HIP1: variants seen among roughly 807,000 people sequenced by gnomAD.
HIP1 encodes huntingtin interacting protein 1, also known as huntingtin-interacting protein 1.
HIP1 carries 65 observed loss-of-function variants against 147.6 expected under a neutral mutation model. The ratio of observed to expected loss-of-function variants is 0.44; its 90% CI spans 0.36 to 0.54. The LOEUF (loss-of-function observed/expected upper bound fraction) is 0.54. HIP1 is among the 20% of genes least tolerant of loss of function. The pLI is 0.00. For missense variants in HIP1, 1,061 were observed against 1,299.6 expected (o/e 0.82, Z 2.82); for synonymous variants, 479 against 504.0 (o/e 0.95, Z 0.67).
intron 20 of HIP1, 100 bp from the exon 21 acceptor site, chr7:75,554,320 A>AT: frequency 7.8e-7 from 1 of 1,277,212 alleles, no homozygotes; most frequent in Non-Finnish European, 1.1e-6. Context: ...CCTTTCTTGT[A>AT]TGAGTTGCCT....
chr7:75,635,260 C>G (rs587653352), intron 1 of HIP1, among the ~76,000 whole-genome samples: 59 of 152,172 alleles, frequency 3.9e-4, no homozygotes, highest in African/African-American at 1.2e-3. Context: ...CGTGTGTACC[C>G]TCATTCACAA....
intron 5 of HIP1, among the ~76,000 whole-genome samples, chr7:75,583,571 C>A (rs1303392287): frequency 1.3e-5 from 2 of 151,908 alleles, no homozygotes; most frequent in African/African-American, 4.8e-5. Context: ...GAGGGGGAAA[C>A]CAGCTCTCTC....
In HIP1 at chr7:75,592,424, C is replaced by G. The variant is rs2116971750; in HGVS notation, c.275G>C (p.Cys92Ser). 6.2e-7 allele frequency: 1 copy of G among 1,612,458 alleles called. No individual in the cohort carries two copies. The highest frequency in any genetic ancestry group is 1.3e-5 in the African/African-American group (1 of 74,896). Residue 92 changes from cysteine to serine, a missense_variant, in exon 3 of 31, where the codon TGC becomes TCC. Transcript: ENST00000336926. Reference protein sequence around the residue: ...RLPLSSNAVLCWKFCHVFHKL... With the variant: ...RLPLSSNAVLSWKFCHVFHKL... ...GTGGAACACATGGCAGAACTTCCAG[C>G]AGAGCACTGCGTTGCTAGACAGAGG... is the stretch of plus-strand genomic sequence containing the variant.
intron 1 of HIP1, among the ~76,000 whole-genome samples, chr7:75,627,539 A>G (rs1363200247): frequency 1.3e-5 from 2 of 152,004 alleles, no homozygotes; most frequent in Admixed American, 6.6e-5. Flanking sequence ...AATAGGAATC[A>G]CACTTTTCTG....
chr7:75,593,154 A>C (rs1192959632), intron 2 of HIP1, among the ~76,000 whole-genome samples: 1 of 152,102 alleles, frequency 6.6e-6, no homozygotes, highest in East Asian at 1.9e-4. Flanking sequence ...TTTTTGGTAG[A>C]GATGAGATCT....
chr7:75,691,783 C>T (rs1021492827), intron 1 of HIP1, among the ~76,000 whole-genome samples: 47 of 151,928 alleles, frequency 3.1e-4, no homozygotes, highest in African/African-American at 3.6e-4. Flanking sequence ...AGCAAAACTC[C>T]GTCTCAAAAA....
rs113035595 is a variant in HIP1 at position 75,561,048 on chromosome 7, G to A, written c.1191+281C>T. Among the ~76,000 whole-genome samples, 8 of 151,092 alleles carry A rather than the reference G, an allele frequency of 5.3e-5. 1 individual carries two copies. Among genetic ancestry groups the A allele is most frequent in the African/African-American group, 1.7e-4 (7 of 41,154 alleles). ...GTTCACTGCAACCTCTGCCTCCCAAGTTCAAGCAATTCTCATGCCTCAGCT... is the reference window on the plus strand; with the variant it reads ...GTTCACTGCAACCTCTGCCTCCCAAATTCAAGCAATTCTCATGCCTCAGCT... On this transcript the variant is annotated intron_variant, in intron 13 of 30. Coordinates refer to ENST00000336926, the MANE Select transcript of HIP1 (RefSeq NM_005338.7).
intron 1 of HIP1, among the ~76,000 whole-genome samples, chr7:75,610,658 G>A (rs1421318776): frequency 6.6e-6 from 1 of 151,672 alleles, no homozygotes; most frequent in Non-Finnish European, 1.5e-5. Context: ...CAGGTCATAA[G>A]TCCATAAGTC....
intron 1 of HIP1, among the ~76,000 whole-genome samples, chr7:75,691,210 C>G (rs951356917): frequency 2.0e-5 from 3 of 152,098 alleles, no homozygotes; most frequent in Non-Finnish European, 2.9e-5. Context: ...AGAAAAGGGC[C>G]GGGCATGGTG....
intron 1 of HIP1, among the ~76,000 whole-genome samples, chr7:75,610,225 A>G (rs1425587795): frequency 7.1e-6 from 1 of 141,096 alleles, no homozygotes; most frequent in Non-Finnish European, 1.5e-5. Context: ...TTTTTTTTAT[A>G]AGAAACAGGG....
intron 8 of HIP1, among the ~76,000 whole-genome samples, chr7:75,571,000 A>T (rs1795608318): frequency 6.6e-6 from 1 of 152,062 alleles, no homozygotes; most frequent in East Asian, 1.9e-4. Context: ...ACAGAGCGAG[A>T]CCCTGTTTCA....
At chr7:75,677,298 G>C (rs1430899830) in intron 1 of HIP1, among the ~76,000 whole-genome samples, 3 of 151,492 alleles carry the variant, frequency 2.0e-5, no homozygotes, top group African/African-American at 7.3e-5. Context: ...GAGAGTTTAA[G>C]TAAGGTCAAA....
intron 1 of HIP1, among the ~76,000 whole-genome samples, chr7:75,696,116 G>A (rs955712309): frequency 6.6e-6 from 1 of 151,810 alleles, no homozygotes; most frequent in Non-Finnish European, 1.5e-5. Flanking sequence ...TCAGCCTCCC[G>A]AGTAGATGGG....
At chr7:75,543,806 G>A (rs782200636) in intron 27 of HIP1, among the ~76,000 whole-genome samples, 1 of 152,136 alleles carries the variant, frequency 6.6e-6, no homozygotes, top group Non-Finnish European at 1.5e-5. Flanking sequence ...TAACAGATGT[G>A]AGGAAAGCCA....
intron 1 of HIP1, among the ~76,000 whole-genome samples, chr7:75,651,995 C>T (rs552800210): frequency 6.2e-5 from 9 of 145,176 alleles, no homozygotes; most frequent in South Asian, 2.2e-4. Context: ...GGCGACAGAG[C>T]GAGACTCTGT....
chr7:75,645,940 AG>A (rs1200466187), intron 1 of HIP1, among the ~76,000 whole-genome samples: 43 of 152,312 alleles, frequency 2.8e-4, no homozygotes, highest in African/African-American at 9.9e-4. Context: ...GGACTCCAAA[AG>A]GGAGGAGGGG....
rs587734589 is a variant in HIP1 at position 75,581,765 on chromosome 7, C to T, written c.542+310G>A. Among the ~76,000 whole-genome samples the T allele has an allele frequency of 8.3e-4, 126 of 152,024 alleles. 1 individual carries two copies. The highest frequency in any genetic ancestry group is 2.8e-3 in the African/African-American group (115 of 41,472). ...CTGCACTCCAGCCTGGGTAACAGGGCAAGACTGCCTCTCAAAAAACAAAAA... is the reference window on the plus strand; with the variant it reads ...CTGCACTCCAGCCTGGGTAACAGGGTAAGACTGCCTCTCAAAAAACAAAAA... On this transcript the variant is annotated intron_variant, in intron 6 of 30. Coordinates refer to ENST00000336926, the MANE Select transcript of HIP1 (RefSeq NM_005338.7).
intron 1 of HIP1, among the ~76,000 whole-genome samples, chr7:75,652,946 G>A (rs1234312350): frequency 6.6e-6 from 1 of 152,170 alleles, no homozygotes; most frequent in Non-Finnish European, 1.5e-5. Context: ...TCCCAGCAAA[G>A]CTCACAGGAG....
intron 1 of HIP1, among the ~76,000 whole-genome samples, chr7:75,689,569 T>A (rs1028152112): frequency 6.6e-6 from 1 of 152,188 alleles, no homozygotes; most frequent in African/African-American, 2.4e-5. Flanking sequence ...TACATGCACA[T>A]ATATATAAAT....
Sources: gnomAD v4.1 joint callset for allele counts (sites outside exome capture counted in the v4.1 genomes callset) on GRCh38, gnomAD v4.1.1 for gene constraint, MANE v1.5 for transcripts, NCBI Gene and HGNC (gene_info 2026-07-23, HGNC 2026-07-21) for gene names.